GAP43: variants seen among roughly 807,000 people sequenced by gnomAD.
GAP43 encodes neuromodulin.
GAP43 carries 6 observed loss-of-function variants against 18.6 expected under a neutral mutation model. The ratio of observed to expected loss-of-function variants is 0.32; its 90% CI spans 0.18 to 0.64. The LOEUF is 0.64. Among genes scored for constraint, GAP43 ranks in the 30% least tolerant of loss-of-function variants. The pLI is 0.78. For missense variants in GAP43, 292 were observed against 295.5 expected (o/e 0.99, Z 0.09); for synonymous variants, 115 against 111.4 (o/e 1.03, Z -0.20).
intron 1 of GAP43, chr3:115,663,452 G>C (rs771454482): frequency 8.4e-5 from 78 of 930,164 alleles, no homozygotes; most frequent in Non-Finnish European, 9.8e-5. Context: ...CTGACCTGAT[G>C]CCCTCTCCCT....
At position 115,716,714 on chromosome 3, in the gene GAP43, ACAAATATATATATATATATATATATATAT is replaced by A. The variant is rs1709507349; in HGVS notation, c.629-4079_629-4051del. Among the ~76,000 whole-genome samples the A allele has an allele frequency of 1.9e-3, 124 of 64,028 alleles. 6 individuals are homozygous for A. The highest frequency in any genetic ancestry group is 3.0e-3 in the South Asian group (5 of 1,658). The allele number at this position is 64,028 out of a possible 152,430, so 42.0% of individuals were successfully genotyped here. ...AAGTAAAAAATTACTTTAATCTCAG[ACAAATATATATATATATATATATATATAT>A]ATATATATATATATATATATATATA... On this transcript the variant is annotated intron_variant, in intron 2 of 2. Transcript: ENST00000305124.
At position 115,623,549 on chromosome 3, in the gene GAP43, AGAGG is replaced by A; in HGVS notation, c.-129_-126del. Reference sequence around the variant, plus strand: ...CTGCCCTGGTGTGTGTGAGGGAGAGAGAGGGAGGGAGGGAGAGAGAGCGCGCTAG... The same window carrying A: ...CTGCCCTGGTGTGTGTGAGGGAGAGAGAGGGAGGGAGAGAGAGCGCGCTAG... On this transcript the variant is annotated 5_prime_UTR_variant, in exon 1 of 3. Transcript: ENST00000305124. The A allele has an allele frequency of 2.7e-5, 27 of 992,952 alleles. No homozygotes were observed. Among genetic ancestry groups the A allele is most frequent in the Non-Finnish European group, 3.4e-5 (22 of 646,370 alleles). 61.5% of individuals were successfully genotyped at this position (992,952 alleles called of 1,614,324 possible).
Position 115,720,949 on chromosome 3 carries a change from T to C in GAP43, c.*67T>C. On this transcript the variant is annotated 3_prime_UTR_variant, in exon 3 of 3. Coordinates refer to ENST00000305124, the MANE Select transcript of GAP43 (RefSeq NM_002045.4). ...CTGAGCCTGTCTCTCCCTACCCTCT[T>C]CTCAGCTCCACTCTGAAGTCCCTTC... 1 of 1,074,570 alleles carries C rather than the reference T, an allele frequency of 9.3e-7. No homozygotes were observed. The highest frequency in any genetic ancestry group is 1.4e-5 in the South Asian group (1 of 72,720). The allele number at this position is 1,074,570 out of a possible 1,614,324, so 66.6% of individuals were successfully genotyped here. A position where few individuals can be genotyped will look rare whatever the true frequency, so the allele number is the denominator to read the frequency against.
intron 2 of GAP43, among the ~76,000 whole-genome samples, chr3:115,708,654 A>T (rs926586343): frequency 5.3e-5 from 8 of 152,156 alleles, no homozygotes; most frequent in African/African-American, 1.9e-4. Context: ...AAGCAAGGGT[A>T]CTGGAGTGGA....
chr3:115,678,340 G>A (rs1447401734), intron 2 of GAP43, among the ~76,000 whole-genome samples: 1 of 152,150 alleles, frequency 6.6e-6, no homozygotes, highest in African/African-American at 2.4e-5. Context: ...GATTTCTAAA[G>A]TTGTGGGAAA....
intron 1 of GAP43, among the ~76,000 whole-genome samples, chr3:115,635,460 C>A (rs920786965): frequency 2.6e-5 from 4 of 152,098 alleles, no homozygotes; most frequent in African/African-American, 9.7e-5. Context: ...TTGTACCTTA[C>A]ACCTCTTGAG....
chr3:115,656,342 C>T (rs935432245), intron 1 of GAP43, among the ~76,000 whole-genome samples: 1 of 152,184 alleles, frequency 6.6e-6, no homozygotes, highest in Non-Finnish European at 1.5e-5. Flanking sequence ...ATCAAGGAAG[C>T]TGTTTCCAAT....
chr3:115,699,162 T>C (rs898808518), intron 2 of GAP43, among the ~76,000 whole-genome samples: 3 of 152,208 alleles, frequency 2.0e-5, no homozygotes, highest in Non-Finnish European at 4.4e-5. Context: ...ACAATCATTC[T>C]ACCTCCGCTA....
intron 1 of GAP43, among the ~76,000 whole-genome samples, chr3:115,656,277 G>C (rs999197768): frequency 6.6e-6 from 1 of 152,166 alleles, no homozygotes; most frequent in African/African-American, 2.4e-5. Context: ...CACTTGACTT[G>C]AAAGTAAAGA....
intron 1 of GAP43, among the ~76,000 whole-genome samples, chr3:115,630,377 G>T (rs1708246280): frequency 6.6e-6 from 1 of 152,124 alleles, no homozygotes. Context: ...GAGGGTGAAT[G>T]GTAAGTAGTC....
chr3:115,633,805 T>G (rs371811378), intron 1 of GAP43, among the ~76,000 whole-genome samples: 8 of 152,168 alleles, frequency 5.3e-5, no homozygotes, highest in African/African-American at 1.9e-4. Flanking sequence ...TGGTGTAGCT[T>G]TGCTCTAACG....
intron 2 of GAP43, among the ~76,000 whole-genome samples, chr3:115,700,625 T>G (rs1291597329): frequency 6.6e-6 from 1 of 152,162 alleles, no homozygotes; most frequent in African/African-American, 2.4e-5. Flanking sequence ...TATATTATTA[T>G]GTACACTGAA....
chr3:115,716,279 G>C (rs1709501336), intron 2 of GAP43, among the ~76,000 whole-genome samples: 1 of 152,116 alleles, frequency 6.6e-6, no homozygotes, highest in Non-Finnish European at 1.5e-5. Context: ...TGTTCCCTCT[G>C]ATATTCAGGC....
At chr3:115,627,038 C>T (rs530918411) in intron 1 of GAP43, among the ~76,000 whole-genome samples, 2 of 149,602 alleles carry the variant, frequency 1.3e-5, no homozygotes, top group East Asian at 2.0e-4. Context: ...TGAAGCTTCT[C>T]GTTCTTTTTT....
intron 2 of GAP43, among the ~76,000 whole-genome samples, chr3:115,713,583 C>T (rs996699837): frequency 6.6e-6 from 1 of 152,238 alleles, no homozygotes; most frequent in Non-Finnish European, 1.5e-5. Context: ...GGTATTTGCT[C>T]ACCAACAGAA....
intron 2 of GAP43, among the ~76,000 whole-genome samples, chr3:115,718,259 C>T (rs1418119539): frequency 6.6e-6 from 1 of 152,112 alleles, no homozygotes; most frequent in Non-Finnish European, 1.5e-5. Flanking sequence ...AAAAACATTG[C>T]TTCTTGGAAC....
At chr3:115,640,691 T>A (rs2107470026) in intron 1 of GAP43, among the ~76,000 whole-genome samples, 1 of 152,156 alleles carries the variant, frequency 6.6e-6, no homozygotes, top group East Asian at 1.9e-4. Context: ...TAAACCAAAT[T>A]TCTTCCAAAT....
intron 2 of GAP43, among the ~76,000 whole-genome samples, chr3:115,681,357 T>A (rs1280007921): frequency 1.3e-5 from 2 of 152,218 alleles, no homozygotes; most frequent in African/African-American, 4.8e-5. Context: ...ACTGTAGCCC[T>A]ACAGTTCTTT....
At chr3:115,663,751 A>T in intron 1 of GAP43, 1 of 1,551,312 alleles carries the variant, frequency 6.4e-7, no homozygotes, top group Non-Finnish European at 8.7e-7. Flanking sequence ...TAGACAGTGA[A>T]CTAGGCCAGC....
Sources: gnomAD v4.1 joint callset for allele counts (sites outside exome capture counted in the v4.1 genomes callset) on GRCh38, gnomAD v4.1.1 for gene constraint, MANE v1.5 for transcripts, NCBI Gene and HGNC (gene_info 2026-07-23, HGNC 2026-07-21) for gene names.